CYP4Z1: variants seen among roughly 807,000 people sequenced by gnomAD.
CYP4Z1 encodes the protein cytochrome P450 4Z1.
Under a neutral mutation model 54.2 loss-of-function variants are expected in CYP4Z1, and 41 were observed. The observed-to-expected ratio is 0.76, with a 90% CI of 0.59 to 0.98. The LOEUF (loss-of-function observed/expected upper bound fraction) is 0.98, where lower values mean the gene tolerates loss of function less well. CYP4Z1 is among the 50% of genes least tolerant of loss of function. CYP4Z1 has a pLI of 0.00. For synonymous variants in CYP4Z1, 163 were observed against 206.2 expected, an observed-to-expected ratio of 0.79 and a Z score of 1.79; for missense variants, 513 against 599.0, an observed-to-expected ratio of 0.86 and a Z score of 1.50.
the CYP4Z1 span, among the ~76,000 whole-genome samples, chr1:47,057,335 A>AAAAAAAAAAAAATATATAT: frequency 4.6e-4 from 13 of 28,470 alleles, no homozygotes; most frequent in Non-Finnish European, 8.4e-4. Context: ...AAGAAAAAAA[A>AAAAAAAAAAAAATATATAT]ATATATATAT....
At chr1:47,085,298 G>C (rs1644584245) in intron 6 of CYP4Z1, among the ~76,000 whole-genome samples, 1 of 152,070 alleles carries the variant, frequency 6.6e-6, no homozygotes, top group Non-Finnish European at 1.5e-5. Flanking sequence ...CATTTCTGTA[G>C]GAAGACAGAG....
intron 2 of CYP4Z1, among the ~76,000 whole-genome samples, chr1:47,078,307 A>G (rs1253369013): frequency 1.3e-5 from 2 of 152,194 alleles, no homozygotes; most frequent in Non-Finnish European, 2.9e-5. Flanking sequence ...TGCCTGCTCA[A>G]ATCAACTGTT....
chr1:47,106,165 A>T lies in CYP4Z1; in HGVS notation c.1105A>T (p.Ile369Phe). Reference sequence around the variant, plus strand: ...CCAGATGCCTTACACCACGATGTGCATCAAGGAATGCCTCCGCCTCTACGC... The same window carrying T: ...CCAGATGCCTTACACCACGATGTGCTTCAAGGAATGCCTCCGCCTCTACGC... ...LSQMPYTTMC[I>F]KECLRLYAPV... Residue 369 changes from isoleucine to phenylalanine, a missense_variant, in exon 9 of 12, where the codon ATC becomes TTC. Physicochemically the swap from Ile to Phe is conservative, Grantham distance 21 (BLOSUM62 0). Coordinates refer to ENST00000334194, the MANE Select transcript of CYP4Z1 (RefSeq NM_178134.3). The T allele has an allele frequency of 6.2e-7, 1 of 1,614,102 alleles. No homozygotes were observed.
At chr1:47,116,190 C>T (rs1371826831) in intron 10 of CYP4Z1, among the ~76,000 whole-genome samples, 1 of 151,916 alleles carries the variant, frequency 6.6e-6, no homozygotes, top group East Asian at 1.9e-4. Flanking sequence ...AGCTGAACAA[C>T]TTCAGCTTGT....
At chr1:47,055,587 C>G in the CYP4Z1 span, among the ~76,000 whole-genome samples, 1 of 152,168 alleles carries the variant, frequency 6.6e-6, no homozygotes, top group Non-Finnish European at 1.5e-5. Context: ...ATTATTGCCT[C>G]AATTTCAGAG....
the CYP4Z1 span, among the ~76,000 whole-genome samples, chr1:47,059,254 T>G: frequency 3.9e-5 from 6 of 152,150 alleles, no homozygotes; most frequent in African/African-American, 1.4e-4. Flanking sequence ...CTGAGACATT[T>G]TTGCCTAAAC....
intron 6 of CYP4Z1, among the ~76,000 whole-genome samples, chr1:47,089,612 C>T (rs963772775): frequency 6.6e-6 from 1 of 152,222 alleles, no homozygotes; most frequent in Non-Finnish European, 1.5e-5. Flanking sequence ...TCCCCATTAA[C>T]AGTGATACTC....
At chr1:47,117,566 C>T (rs1168418199) in intron 11 of CYP4Z1, among the ~76,000 whole-genome samples, 200 bp from the exon 12 acceptor site, 1 of 151,942 alleles carries the variant, frequency 6.6e-6, no homozygotes, top group Non-Finnish European at 1.5e-5. Context: ...GCCTGGCCAA[C>T]ATGGTAAAAC....
chr1:47,061,962 G>T, the CYP4Z1 span, among the ~76,000 whole-genome samples: 1 of 152,156 alleles, frequency 6.6e-6, no homozygotes, highest in Non-Finnish European at 1.5e-5. Context: ...TGCAGAAAAG[G>T]ATTTTGATAA....
intron 2 of CYP4Z1, among the ~76,000 whole-genome samples, chr1:47,077,149 T>C (rs992234848): frequency 6.6e-6 from 1 of 151,698 alleles, no homozygotes; most frequent in East Asian, 1.9e-4. Flanking sequence ...TTTTGTATCA[T>C]TGTTCTGTCC....
intron 9 of CYP4Z1, among the ~76,000 whole-genome samples, chr1:47,113,898 C>G (rs145581750): frequency 0.017 from 2,564 of 152,238 alleles, 77 homozygotes; most frequent in African/African-American, 0.059. Context: ...TCAATGCCAT[C>G]CCTATCAAGC....
chr1:47,060,645 A>G, the CYP4Z1 span, among the ~76,000 whole-genome samples: 4 of 152,210 alleles, frequency 2.6e-5, no homozygotes, highest in Admixed American at 1.3e-4. Flanking sequence ...TAGACAGATT[A>G]TCAAGGCAGA....
chr1:47,108,347 C>T (rs1164593492), intron 9 of CYP4Z1, among the ~76,000 whole-genome samples: 2 of 152,214 alleles, frequency 1.3e-5, no homozygotes, highest in African/African-American at 4.8e-5. Flanking sequence ...TCTACTGTCA[C>T]TCATCAGTAA....
chr1:47,067,637 C>T lies in CYP4Z1; in HGVS notation c.147C>T (p.Pro49=). Residue 49 remains proline (P), a synonymous_variant, in exon 1 of 12, where the codon CCC becomes CCT. Coordinates refer to ENST00000334194, the MANE Select transcript of CYP4Z1 (RefSeq NM_178134.3). ...MIRALHLFPA[P]PAHWFYGHKE... ...GAGCCCTGCACCTGTTTCCTGCACCCCCTGCCCACTGGTTCTATGGCCACA... is the reference window on the plus strand; with the variant it reads ...GAGCCCTGCACCTGTTTCCTGCACCTCCTGCCCACTGGTTCTATGGCCACA... The T allele has an allele frequency of 6.2e-7, 1 of 1,610,500 alleles. No homozygotes were observed. The highest frequency in any genetic ancestry group is 8.5e-7 in the Non-Finnish European group (1 of 1,177,840).
intron 4 of CYP4Z1, 139 bp downstream of exon 4, chr1:47,082,600 A>G (rs1434167242): frequency 3.2e-6 from 4 of 1,237,722 alleles, no homozygotes; most frequent in Admixed American, 2.7e-5. Flanking sequence ...GACCATGACC[A>G]TCATCATCAG....
At chr1:47,103,064 G>A (rs1029254005) in intron 8 of CYP4Z1, among the ~76,000 whole-genome samples, 3 of 151,736 alleles carry the variant, frequency 2.0e-5, no homozygotes, top group African/African-American at 7.3e-5. Context: ...TATTTCAAAA[G>A]ACCTGTCATC....
chr1:47,114,446 G>A (rs903567516), intron 9 of CYP4Z1, among the ~76,000 whole-genome samples: 3 of 152,132 alleles, frequency 2.0e-5, no homozygotes, highest in African/African-American at 7.2e-5. Context: ...TTGACAAATG[G>A]GATCTTATTA....
At chr1:47,085,897 A>T (rs576122768) in intron 6 of CYP4Z1, among the ~76,000 whole-genome samples, 3 of 130,496 alleles carry the variant, frequency 2.3e-5, no homozygotes, top group African/African-American at 3.0e-5. Context: ...CCTGTGTCCA[A>T]GTGTTCTCAT....
At chr1:47,085,051 T>C (rs1644582776) in intron 6 of CYP4Z1, 73 bp downstream of exon 6, 1 of 620,070 alleles carries the variant, frequency 1.6e-6, no homozygotes. Flanking sequence ...ACTCTGGTTA[T>C]GGCTGCTTCT....
Sources: allele counts gnomAD v4.1 joint callset (sites outside exome capture counted in the v4.1 genomes callset), GRCh38; gene constraint gnomAD v4.1.1; transcripts MANE v1.5; gene names NCBI Gene and HGNC (gene_info 2026-07-23, HGNC 2026-07-21).